VMO1: variants seen among roughly 807,000 people sequenced by gnomAD.
The protein encoded by VMO1 is vitelline membrane outer layer protein 1 homolog.
Under a neutral mutation model 10.1 loss-of-function variants are expected in VMO1, and 13 were observed. The ratio of observed to expected loss-of-function variants is 1.29; its 90% CI spans 0.84 to 2.05. VMO1 has a LOEUF of 2.05. VMO1 is among the 30% of genes most tolerant of loss of function. VMO1 has a pLI of 0.00. For synonymous variants in VMO1, 117 were observed against 122.2 expected, an observed-to-expected ratio of 0.96 and a Z score of 0.28; for missense variants, 304 against 276.9, an observed-to-expected ratio of 1.10 and a Z score of -0.70.
chr17:4,786,255 G>A lies in VMO1; in HGVS notation c.98C>T (p.Thr33Met), dbSNP rs761864481. The change falls in exon 1 of 3, where the codon ACG (threonine) becomes ATG (methionine). Residue 33 changes from threonine to methionine, a missense_variant. By Grantham distance (81) the Thr-to-Met change is moderately conservative. Coordinates refer to ENST00000328739, the MANE Select transcript of VMO1 (RefSeq NM_182566.3). ...CAQTDGRNGY[T>M]AVIEVTSGGP... ...CCCGCTGGTCACTTCGATGACCGCC[G>A]TGTAGCCGTTCCGGCCATCTGTCTG... 3 of 1,612,032 alleles carry A rather than the reference G, an allele frequency of 1.9e-6. No individual in the cohort carries two copies. Among genetic ancestry groups the A allele is most frequent in the Admixed American group, 1.7e-5 (1 of 59,904 alleles).
chr17:4,785,458 C>G lies in VMO1; in HGVS notation c.513G>C (p.Lys171Asn). ...TCTTGGTCTGCAGGCCGCACGCGCC[C>G]TTGGGGCAATGGTCACTCCAGTCTC... ...DFGDWSDHCPKGACGLQTKIQ... is the reference protein window; with the variant it reads ...DFGDWSDHCPNGACGLQTKIQ... The change falls in exon 3 of 3, where the codon AAG (lysine) becomes AAC (asparagine). Residue 171 changes from lysine (K) to asparagine (N), a missense_variant. Transcript: ENST00000328739. The G allele has an allele frequency of 6.2e-7, 1 of 1,614,210 alleles. No individual in the cohort carries two copies. Among genetic ancestry groups the G allele is most frequent in the South Asian group, 1.1e-5 (1 of 91,084 alleles).
At chr17:4,785,746 G>T in intron 2 of VMO1, 87 bp from the exon 3 acceptor site, 1 of 1,515,956 alleles carries the variant, frequency 6.6e-7, no homozygotes, top group South Asian at 1.3e-5. Flanking sequence ...CTGTGTATAT[G>T]ACCTGGTGGG....
chr17:4,786,217 C>A lies in VMO1; in HGVS notation c.136G>T (p.Asp46Tyr). The change falls in exon 1 of 3, where the codon GAC (aspartate) becomes TAC (tyrosine). Residue 46 changes from aspartate (D) to tyrosine (Y), a missense_variant. Coordinates refer to ENST00000328739, the MANE Select transcript of VMO1 (RefSeq NM_182566.3). ...IEVTSGGPWG[D>Y]WAWPEMCPDG... is the part of the protein sequence containing the mutation. The stretch of plus-strand genomic sequence containing the variant: ...GGACACATCTCAGGCCAGGCCCAGT[C>A]GCCCCAGGGACCCCCGCTGGTCACT... 6.2e-7 allele frequency: 1 copy of A among 1,610,860 alleles called. No homozygotes were observed. Among genetic ancestry groups the A allele is most frequent in the Non-Finnish European group, 8.5e-7 (1 of 1,178,306 alleles).
chr17:4,786,006 C>G lies in VMO1; in HGVS notation c.242G>C (p.Gly81Ala). Residue 81 changes from glycine to alanine, a missense_variant, in exon 2 of 3, where the codon GGG (glycine) becomes GCG (alanine). Coordinates refer to ENST00000328739, the MANE Select transcript of VMO1 (RefSeq NM_182566.3). ...CCCGCGCGCGCAGTGCAGCCTGATC[C>G]CATTCAGTGCAGTGTCGTCGCCAGG... ...GIPGDDTALN[G>A]IRLHCARGNV... is the part of the protein sequence containing the mutation. The G allele has an allele frequency of 6.2e-7, 1 of 1,614,214 alleles. No individual in the cohort carries two copies. The highest frequency in any genetic ancestry group is 1.1e-5 in the South Asian group (1 of 91,084).
chr17:4,785,990 G>A lies in VMO1; in HGVS notation c.258C>T (p.Cys86=), dbSNP rs762186242. The part of the protein sequence containing the change: ...DTALNGIRLH[C]ARGNVLGNTH... Reference sequence around the variant, plus strand: ...TATTGCCTAGGACGTTCCCGCGCGCGCAGTGCAGCCTGATCCCATTCAGTG... The same window carrying A: ...TATTGCCTAGGACGTTCCCGCGCGCACAGTGCAGCCTGATCCCATTCAGTG... Residue 86 remains cysteine (C), a synonymous_variant, in exon 2 of 3, where the codon TGC becomes TGT. Transcript: ENST00000328739. The A allele has an allele frequency of 1.1e-5, 17 of 1,614,200 alleles. No individual in the cohort carries two copies. The South Asian group carries it at 1.8e-4, about 17-fold the overall frequency.
rs1917428579 is a variant in VMO1 at position 4,785,298 on chromosome 17, G to A, written c.*64C>T. 2 of 1,523,776 alleles carry A rather than the reference G, an allele frequency of 1.3e-6. No individual in the cohort carries two copies. The highest frequency in any genetic ancestry group is 1.8e-6 in the Non-Finnish European group (2 of 1,141,204). The allele number at this position is 1,523,776 out of a possible 1,614,324, so 94.4% of individuals were successfully genotyped here. A position where few individuals can be genotyped will look rare whatever the true frequency, so the allele number is the denominator to read the frequency against. On this transcript the variant is annotated 3_prime_UTR_variant, in exon 3 of 3. Transcript: ENST00000328739. ...GCGAGACCAAAGTCAACTCAGAGAA[G>A]CTTTAATAGCAAGAGGTGGGACTAG...
chr17:4,786,257 G>A lies in VMO1; in HGVS notation c.96C>T (p.Tyr32=). 6.2e-7 allele frequency: 1 copy of A among 1,612,224 alleles called. No homozygotes were observed. Among genetic ancestry groups the A allele is most frequent in the Non-Finnish European group, 8.5e-7 (1 of 1,179,548 alleles). Residue 32 remains tyrosine (Y), a synonymous_variant, in exon 1 of 3, where the codon TAC becomes TAT. Coordinates refer to ENST00000328739, the MANE Select transcript of VMO1 (RefSeq NM_182566.3). The stretch of plus-strand genomic sequence containing the variant: ...CGCTGGTCACTTCGATGACCGCCGT[G>A]TAGCCGTTCCGGCCATCTGTCTGTG... ...TCAQTDGRNG[Y]TAVIEVTSGG... is the part of the protein sequence containing the mutation.
intron 2 of VMO1, 87 bp from the exon 3 acceptor site, chr17:4,785,746 G>A: frequency 6.6e-7 from 1 of 1,515,958 alleles, no homozygotes; most frequent in Non-Finnish European, 8.9e-7. Flanking sequence ...CTGTGTATAT[G>A]ACCTGGTGGG....
intron 2 of VMO1, 123 bp downstream of exon 2, chr17:4,785,814 G>T: frequency 6.5e-7 from 1 of 1,537,478 alleles, no homozygotes; most frequent in Non-Finnish European, 8.8e-7. Context: ...TCCACCCTTC[G>T]CCTCCCCGGT....
chr17:4,785,354 G>GGCGCCGTTCAACTGCGGCA lies in VMO1; in HGVS notation c.598_*7dup, dbSNP rs772541753. 1 of 1,595,210 alleles carries GGCGCCGTTCAACTGCGGCA rather than the reference G, an allele frequency of 6.3e-7. No individual in the cohort carries two copies. The highest frequency in any genetic ancestry group is 1.7e-5 in the Admixed American group (1 of 58,396). On this transcript the variant is annotated 3_prime_UTR_variant, in exon 3 of 3. Coordinates refer to ENST00000328739, the MANE Select transcript of VMO1 (RefSeq NM_182566.3). Reference sequence around the variant, plus strand: ...TGGCCCGGGAGAGAGCGGCGGCGGCGGCGCCGTTCAACTGCGGCAGCAGAA... The same window carrying GGCGCCGTTCAACTGCGGCA: ...TGGCCCGGGAGAGAGCGGCGGCGGCGGCGCCGTTCAACTGCGGCAGCGCCGTTCAACTGCGGCAGCAGAA...
Position 4,785,292 on chromosome 17 carries a change from A to G in VMO1, c.*70T>C. Reference sequence around the variant, plus strand: ...AAACAGGCGAGACCAAAGTCAACTCAGAGAAGCTTTAATAGCAAGAGGTGG... The same window carrying G: ...AAACAGGCGAGACCAAAGTCAACTCGGAGAAGCTTTAATAGCAAGAGGTGG... On this transcript the variant is annotated 3_prime_UTR_variant, in exon 3 of 3. Transcript: ENST00000328739. 1 of 1,513,072 alleles carries G rather than the reference A, an allele frequency of 6.6e-7. No individual in the cohort carries two copies. The highest frequency in any genetic ancestry group is 1.3e-5 in the South Asian group (1 of 77,220). The allele number at this position is 1,513,072 out of a possible 1,614,324, so 93.7% of individuals were successfully genotyped here. A position where few individuals can be genotyped will look rare whatever the true frequency, so the allele number is the denominator to read the frequency against.
In VMO1 at chr17:4,785,439, T is replaced by C. The variant is rs1177541365; in HGVS notation, c.532A>G (p.Thr178Ala). The change falls in exon 3 of 3, where the codon ACC (threonine) becomes GCC (alanine). Residue 178 changes from threonine (T) to alanine (A), a missense_variant. Thr to Ala is a moderately conservative substitution (Grantham distance 58, BLOSUM62 0). Coordinates refer to ENST00000328739, the MANE Select transcript of VMO1 (RefSeq NM_182566.3). Reference protein sequence around the residue: ...HCPKGACGLQTKIQGPRGLGD... With the variant: ...HCPKGACGLQAKIQGPRGLGD... ...AGGCCTCTAGGTCCCTGGATCTTGG[T>C]CTGCAGGCCGCACGCGCCCTTGGGG... is the stretch of plus-strand genomic sequence containing the variant. 1.2e-6 allele frequency: 2 copies of C among 1,614,176 alleles called. No homozygotes were observed. Among genetic ancestry groups the C allele is most frequent in the Admixed American group, 1.7e-5 (1 of 60,024 alleles).
At chr17:4,786,126 G>A in intron 1 of VMO1, 32 bp downstream of exon 1, 2 of 1,610,768 alleles carry the variant, frequency 1.2e-6, no homozygotes, top group Admixed American at 1.7e-5. Context: ...ACGCATCTCC[G>A]CCCTCTCCAG....
At position 4,785,959 on chromosome 17, in the gene VMO1, C is replaced by T. The variant is rs749006355; in HGVS notation, c.289G>A (p.Val97Met). The T allele has an allele frequency of 6.2e-7, 1 of 1,614,182 alleles. No homozygotes were observed. The highest frequency in any genetic ancestry group is 8.5e-7 in the Non-Finnish European group (1 of 1,180,028). Reference protein sequence around the residue: ...ARGNVLGNTHVVESQSGSWGE... With the variant: ...ARGNVLGNTHMVESQSGSWGE... ...CACCTTCCAGACTGGGACTCTACCA[C>T]GTGCGTATTGCCTAGGACGTTCCCG... Residue 97 changes from valine to methionine, a missense_variant, in exon 2 of 3, where the codon GTG becomes ATG. Transcript: ENST00000328739.
chr17:4,785,630 C>T lies in VMO1; in HGVS notation c.341G>A (p.Cys114Tyr). 1 of 1,611,922 alleles carries T rather than the reference C, an allele frequency of 6.2e-7. No individual in the cohort carries two copies. Among genetic ancestry groups the T allele is most frequent in the Non-Finnish European group, 8.5e-7 (1 of 1,179,946 alleles). Residue 114 changes from cysteine to tyrosine, a missense_variant, in exon 3 of 3, where the codon TGT becomes TAT. Physicochemically the swap from Cys to Tyr is radical, Grantham distance 194. Coordinates refer to ENST00000328739, the MANE Select transcript of VMO1 (RefSeq NM_182566.3). ...AGCCACTAGGTAGGCGCCGCCGCGACACCACAGCGGCTCACTCCATTCGCC... is the reference window on the plus strand; with the variant it reads ...AGCCACTAGGTAGGCGCCGCCGCGATACCACAGCGGCTCACTCCATTCGCC... The part of the protein sequence containing the change: ...SWGEWSEPLW[C>Y]RGGAYLVAFS...
chr17:4,785,887 G>C, intron 2 of VMO1, 50 bp downstream of exon 2: 1 of 1,592,700 alleles, frequency 6.3e-7, no homozygotes, highest in Non-Finnish European at 8.5e-7. Flanking sequence ...TGTAATAGAG[G>C]GTAAGGGACA....
chr17:4,785,872 G>C, intron 2 of VMO1, 65 bp downstream of exon 2: 2 of 1,604,712 alleles, frequency 1.2e-6, no homozygotes, highest in Non-Finnish European at 1.7e-6. Flanking sequence ...TGTTGCGACG[G>C]AGTATGTAAT....
intron 2 of VMO1, 36 bp from the exon 3 acceptor site, chr17:4,785,695 C>T (rs1454159115): frequency 1.9e-6 from 3 of 1,573,838 alleles, no homozygotes; most frequent in Middle Eastern, 1.7e-4. Context: ...CCTCTGCGGG[C>T]CCCCCATTCA....
At position 4,785,289 on chromosome 17, in the gene VMO1, C is replaced by G. The variant is rs1465353575; in HGVS notation, c.*73G>C. 7.0e-5 allele frequency: 106 copies of G among 1,508,696 alleles called. No homozygotes were observed. Among genetic ancestry groups the G allele is most frequent in the Non-Finnish European group, 9.1e-5 (103 of 1,133,252 alleles). 93.5% of individuals were successfully genotyped at this position (1,508,696 alleles called of 1,614,324 possible). A position where few individuals can be genotyped will look rare whatever the true frequency, so the allele number is the denominator to read the frequency against. On this transcript the variant is annotated 3_prime_UTR_variant, in exon 3 of 3. Transcript: ENST00000328739. Reference sequence around the variant, plus strand: ...AATAAACAGGCGAGACCAAAGTCAACTCAGAGAAGCTTTAATAGCAAGAGG... The same window carrying G: ...AATAAACAGGCGAGACCAAAGTCAAGTCAGAGAAGCTTTAATAGCAAGAGG...
Sources: allele counts gnomAD v4.1 joint callset, GRCh38; gene constraint gnomAD v4.1.1; transcripts MANE v1.5; gene names NCBI Gene and HGNC (gene_info 2026-07-23, HGNC 2026-07-21).